The following LAMA1 variants were observed in gnomAD, a reference collection of about 807,000 sequenced individuals.
LAMA1 encodes laminin subunit alpha 1, also known as laminin subunit alpha-1.
A neutral mutation model predicts 348.7 loss-of-function variants in LAMA1; 219 were observed. The observed-to-expected ratio is 0.63, with a 90% CI of 0.56 to 0.70. LAMA1 has a LOEUF of 0.70. LAMA1 is among the 30% of genes least tolerant of loss of function. The pLI is 0.00. For missense variants in LAMA1, 3,744 were observed against 3,888.0 expected, an observed-to-expected ratio of 0.96 and a Z score of 0.99; for synonymous variants, 1,487 against 1,491.0, an observed-to-expected ratio of 1.00 and a Z score of 0.06.
At chr18:7,019,708 G>C (rs2057906992) in intron 19 of LAMA1, among the ~76,000 whole-genome samples, 1 of 129,962 alleles carries the variant, frequency 7.7e-6, no homozygotes, top group African/African-American at 3.2e-5. Flanking sequence ...TTGAGACAGG[G>C]TCTCACTCCG....
At chr18:7,112,499 G>C (rs1434914743) in intron 1 of LAMA1, among the ~76,000 whole-genome samples, 1 of 151,704 alleles carries the variant, frequency 6.6e-6, no homozygotes, top group East Asian at 1.9e-4. Flanking sequence ...TAAAGCCAGT[G>C]GTTACCTCAA....
intron 3 of LAMA1, 87 bp from the exon 4 acceptor site, chr18:7,051,023 G>T: frequency 6.6e-7 from 1 of 1,519,674 alleles, no homozygotes; most frequent in Non-Finnish European, 9.0e-7. Context: ...TAACTTAAAG[G>T]TAGAATCTAA....
At chr18:7,057,471 C>CTTTTTTTTTTTTTTTTTTTTTTTTTTT (rs552843703) in intron 3 of LAMA1, among the ~76,000 whole-genome samples, 3 of 90,808 alleles carry the variant, frequency 3.3e-5, no homozygotes, top group Non-Finnish European at 4.9e-5. Flanking sequence ...CTTTTCTTTT[C>CTTTTTTTTTTTTTTTTTTTTTTTTTTT]TTTTTTTTTT....
In LAMA1 at chr18:7,016,661, T is replaced by A. The variant is rs1469002893; in HGVS notation, c.2819A>T (p.Tyr940Phe). 6.2e-7 allele frequency: 1 copy of A among 1,612,980 alleles called. No homozygotes were observed. The highest frequency in any genetic ancestry group is 1.7e-5 in the Admixed American group (1 of 59,838). ...QQCDQCLHGYYGLDSGHGCRP... is the reference protein window; with the variant it reads ...QQCDQCLHGYFGLDSGHGCRP... Reference sequence around the variant, plus strand: ...GCAGCCATGGCCTGAGTCCAGCCCATAATAGCCATGCTGTTTCACCAAAGG... The same window carrying A: ...GCAGCCATGGCCTGAGTCCAGCCCAAAATAGCCATGCTGTTTCACCAAAGG... Residue 940 changes from tyrosine to phenylalanine, a missense_variant, in exon 21 of 63, where the codon TAT becomes TTT. Physicochemically the swap from Tyr to Phe is conservative, Grantham distance 22 (BLOSUM62 3). Around this residue, in one of 3 missense-constraint regions of LAMA1, gnomAD observed 1,529 missense variants for 1,689.4 expected, o/e 0.91. Transcript: ENST00000389658.
chr18:7,089,375 A>G (rs1443655054), intron 1 of LAMA1, among the ~76,000 whole-genome samples: 2 of 151,946 alleles, frequency 1.3e-5, no homozygotes, highest in Admixed American at 6.6e-5. Flanking sequence ...ACAAAACAAA[A>G]CGCTGGTAGG....
chr18:6,956,592 T>A, intron 56 of LAMA1, 44 bp downstream of exon 56: 1 of 1,613,340 alleles, frequency 6.2e-7, no homozygotes, highest in Non-Finnish European at 8.5e-7. Context: ...TAGGCCCTCC[T>A]TTGCTGACTG....
In LAMA1 at chr18:6,983,089, C is replaced by T. The variant is rs772669026; in HGVS notation, c.5796+10G>A. On this transcript the variant is annotated intron_variant, in intron 40 of 62. Coordinates refer to ENST00000389658, the MANE Select transcript of LAMA1 (RefSeq NM_005559.4). ...CAGAGCCCAGAAAAAGAAGCCACGT[C>T]GTTTCCTACCAGGCTCGTCTCAGTC... 9.9e-6 allele frequency: 16 copies of T among 1,613,994 alleles called. 1 individual carries two copies. The highest frequency in any genetic ancestry group is 8.8e-5 in the South Asian group (8 of 91,066).
chr18:7,053,518 A>C (rs2058070031), intron 3 of LAMA1, among the ~76,000 whole-genome samples: 1 of 152,192 alleles, frequency 6.6e-6, no homozygotes, highest in Admixed American at 6.5e-5. Context: ...ATTAATTGAA[A>C]AAAATTAAAA....
intron 1 of LAMA1, among the ~76,000 whole-genome samples, chr18:7,103,838 C>A (rs892804958): frequency 1.7e-4 from 26 of 151,686 alleles, no homozygotes; most frequent in African/African-American, 6.3e-4. Flanking sequence ...AAAATCCTGC[C>A]TGGGTGACCC....
rs188144413 is a variant in LAMA1, at chr18:6,949,225, A to G, written c.8432T>C (p.Ile2811Thr). Residue 2811 changes from isoleucine to threonine, a missense_variant, in exon 59 of 63, where the codon ATA becomes ACA. Physicochemically the swap from Ile to Thr is moderately conservative, Grantham distance 89 (BLOSUM62 -1). Around this residue, in one of 3 missense-constraint regions of LAMA1, gnomAD observed 1,983 missense variants for 1,934.3 expected, o/e 1.03. Transcript: ENST00000389658. Reference protein sequence around the residue: ...KTDYVKRKGFITVDGRESPMV... With the variant: ...KTDYVKRKGFTTVDGRESPMV... The stretch of plus-strand genomic sequence containing the variant: ...GGGAGACTCTCGGCCGTCGACAGTT[A>G]TGAAGCCTTTTCTTTTAACATAGTC... 1.9e-6 allele frequency: 3 copies of G among 1,614,248 alleles called. No homozygotes were observed. The highest frequency in any genetic ancestry group is 4.5e-5 in the East Asian group (2 of 44,890).
intron 1 of LAMA1, among the ~76,000 whole-genome samples, chr18:7,098,468 C>G (rs533147558): frequency 6.6e-6 from 1 of 150,944 alleles, no homozygotes; most frequent in Non-Finnish European, 1.5e-5. Flanking sequence ...GGCCGCCCAT[C>G]GTCTAAGATG....
At chr18:7,012,841 G>A (rs547397561) in intron 23 of LAMA1, among the ~76,000 whole-genome samples, 2 of 150,990 alleles carry the variant, frequency 1.3e-5, no homozygotes, top group South Asian at 4.3e-4. Context: ...TGCTCTACTC[G>A]TCTATCATCA....
intron 39 of LAMA1, among the ~76,000 whole-genome samples, chr18:6,984,546 A>G (rs1289960630): frequency 6.6e-6 from 1 of 152,166 alleles, no homozygotes. Flanking sequence ...CTTTGGGGGG[A>G]AGGCAGCTAA....
At chr18:6,986,038 G>C in intron 37 of LAMA1, 99 bp downstream of exon 37, 1 of 1,359,650 alleles carries the variant, frequency 7.4e-7, no homozygotes, top group East Asian at 2.3e-5. Flanking sequence ...GATTACAAGC[G>C]TGAGCCACCC....
intron 3 of LAMA1, among the ~76,000 whole-genome samples, chr18:7,051,355 A>AT (rs1165602472): frequency 3.3e-5 from 5 of 152,312 alleles, no homozygotes; most frequent in Non-Finnish European, 5.9e-5. Context: ...ATACACAATA[A>AT]TTTTTTTAAA....
chr18:6,981,398 C>T (rs1485752261), intron 41 of LAMA1, among the ~76,000 whole-genome samples: 1 of 152,200 alleles, frequency 6.6e-6, no homozygotes, highest in African/African-American at 2.4e-5. Context: ...AATCCTCCAT[C>T]CCCTACTATT....
intron 1 of LAMA1, among the ~76,000 whole-genome samples, chr18:7,112,103 C>A (rs530061847): frequency 2.6e-5 from 4 of 152,074 alleles, no homozygotes; most frequent in Non-Finnish European, 5.9e-5. Flanking sequence ...TTAAAAATAG[C>A]TTATTAATAC....
intron 46 of LAMA1, 46 bp from the exon 47 acceptor site, chr18:6,973,253 T>G: frequency 1.3e-6 from 2 of 1,574,004 alleles, no homozygotes; most frequent in Non-Finnish European, 1.7e-6. Flanking sequence ...GAATTTCCAG[T>G]CAGCGCACAT....
At chr18:7,032,219 A>C (rs766556485) in intron 15 of LAMA1, 43 bp from the exon 16 acceptor site, 2 of 1,313,772 alleles carry the variant, frequency 1.5e-6, no homozygotes, top group Non-Finnish European at 2.2e-6. Context: ...CTACGTTACA[A>C]ACAGAAACTG....
Sources: gnomAD v4.1 joint callset for allele counts (sites outside exome capture counted in the v4.1 genomes callset) on GRCh38, gnomAD v4.1.1 for gene constraint, gnomAD v4.1.1 regional missense constraint, MANE v1.5 for transcripts, NCBI Gene and HGNC (gene_info 2026-07-23, HGNC 2026-07-21) for gene names.